The following LAMC1 variants were observed in gnomAD, a reference collection of about 807,000 sequenced individuals.
LAMC1 encodes laminin subunit gamma-1.
In LAMC1, 38 loss-of-function variants were observed where a neutral mutation model predicts 173.6. The observed-to-expected ratio is 0.22, with a 90% CI of 0.17 to 0.29. The LOEUF is 0.29. LAMC1 is among the 10% of genes least tolerant of loss of function. The probability of loss-of-function intolerance (pLI) is 1.00; values close to 1 mark genes in which losing one functional copy is unlikely to be tolerated. For missense variants in LAMC1, 1,824 were observed against 2,051.8 expected (o/e 0.89, Z 2.14); for synonymous variants, 746 against 749.1 (o/e 1.00, Z 0.07).
chr1:183,054,155 T>G (rs754577527), intron 1 of LAMC1, among the ~76,000 whole-genome samples: 3 of 152,218 alleles, frequency 2.0e-5, no homozygotes, highest in Non-Finnish European at 4.4e-5. Flanking sequence ...AAGGCTAGCA[T>G]CATTAATATC....
chr1:183,045,676 C>T (rs1163584852), intron 1 of LAMC1, among the ~76,000 whole-genome samples: 1 of 152,006 alleles, frequency 6.6e-6, no homozygotes, highest in Non-Finnish European at 1.5e-5. Flanking sequence ...GTGTGAGATT[C>T]TCTCTACCTG....
intron 1 of LAMC1, among the ~76,000 whole-genome samples, chr1:183,054,959 T>A (rs1654544807): frequency 6.6e-6 from 1 of 151,874 alleles, no homozygotes; most frequent in Non-Finnish European, 1.5e-5. Flanking sequence ...TGCCATCTTA[T>A]TCCTTTGATT....
At chr1:183,083,155 A>G (rs1369454688) in intron 1 of LAMC1, among the ~76,000 whole-genome samples, 2 of 152,216 alleles carry the variant, frequency 1.3e-5, no homozygotes, top group African/African-American at 4.8e-5. Flanking sequence ...CTTTTACATT[A>G]TTCTGTTACC....
At chr1:183,089,408 T>G (rs1655511775) in intron 1 of LAMC1, among the ~76,000 whole-genome samples, 1 of 152,226 alleles carries the variant, frequency 6.6e-6, no homozygotes, top group South Asian at 2.1e-4. Context: ...AAATATGCTA[T>G]GTAAATAATT....
At chr1:183,037,095 G>A (rs574167008) in intron 1 of LAMC1, among the ~76,000 whole-genome samples, 2 of 152,288 alleles carry the variant, frequency 1.3e-5, no homozygotes, top group African/African-American at 4.8e-5. Flanking sequence ...TGTTTTCAGT[G>A]GAAGACTTGT....
chr1:183,042,576 G>A lies in LAMC1; in HGVS notation c.418+18442G>A, dbSNP rs538047964. On this transcript the variant is annotated intron_variant, in intron 1 of 27. Transcript: ENST00000258341. ...AAGAGTCTGGTTTCTCCCAAGTTCTGGTCTTTCTGGAGAGTCTTCAGAGGT... is the reference window on the plus strand; with the variant it reads ...AAGAGTCTGGTTTCTCCCAAGTTCTAGTCTTTCTGGAGAGTCTTCAGAGGT... 1.6e-4 allele frequency among the ~76,000 whole-genome samples: 25 copies of A among 152,242 alleles called. No homozygotes were observed. In the East Asian group the frequency reaches 4.4e-3, roughly 27 times the overall value.
chr1:183,075,995 C>T (rs1655112831), intron 1 of LAMC1, among the ~76,000 whole-genome samples: 1 of 152,152 alleles, frequency 6.6e-6, no homozygotes, highest in Non-Finnish European at 1.5e-5. Context: ...TTTCTTGGCA[C>T]TCTGGGACAT....
At chr1:183,078,441 G>T (rs1008883277) in intron 1 of LAMC1, among the ~76,000 whole-genome samples, 3 of 152,026 alleles carry the variant, frequency 2.0e-5, no homozygotes, top group Non-Finnish European at 2.9e-5. Flanking sequence ...AATTAGCCGG[G>T]TGTGGTGGTG....
In LAMC1 at chr1:183,108,261, TTTGC is replaced by T; in HGVS notation, c.724-12_724-9del. 6.2e-7 allele frequency: 1 copy of T among 1,611,096 alleles called. No individual in the cohort carries two copies. Among genetic ancestry groups the T allele is most frequent in the East Asian group, 2.2e-5 (1 of 44,774 alleles). ...TCCACTTCTCTTTTATGTTTCTATTTTTGCTTCCTGACAGGAATGGGTAACTGCC... is the reference window on the plus strand; with the variant it reads ...TCCACTTCTCTTTTATGTTTCTATTTTTCCTGACAGGAATGGGTAACTGCC... On this transcript the variant is annotated splice_polypyrimidine_tract_variant and intron_variant, in intron 2 of 27. Transcript: ENST00000258341.
chr1:183,024,140 C>T lies in LAMC1; in HGVS notation c.418+6C>T, dbSNP rs557535760. ...CAACCTCACGCTGCACCTGGGTAAG[C>T]GGTGACAGCCCCGTCCCCTGCTACT... On this transcript the variant is annotated splice_donor_region_variant and intron_variant, in intron 1 of 27. Coordinates refer to ENST00000258341, the MANE Select transcript of LAMC1 (RefSeq NM_002293.4). 4 of 1,556,666 alleles carry T rather than the reference C, an allele frequency of 2.6e-6. No homozygotes were observed. In the Admixed American group the frequency reaches 5.6e-5, roughly 22 times the overall value.
chr1:183,134,890 T>A (rs1656894849), intron 23 of LAMC1, 81 bp downstream of exon 23: 2 of 1,454,816 alleles, frequency 1.4e-6, no homozygotes, highest in Non-Finnish European at 1.9e-6. Flanking sequence ...TGCCGTACTT[T>A]CAGAGACAGC....
Position 183,124,889 on chromosome 1 carries a change from T to A in LAMC1, c.2647+13T>A. The A allele has an allele frequency of 6.2e-7, 1 of 1,612,384 alleles. No homozygotes were observed. The highest frequency in any genetic ancestry group is 8.5e-7 in the Non-Finnish European group (1 of 1,178,448). ...GACAAATGCAAAGGTAATCAGCCTT[T>A]GATCAGATTCTGTCACAGCTAAATG... is the stretch of plus-strand genomic sequence containing the variant. On this transcript the variant is annotated intron_variant, in intron 14 of 27. Transcript: ENST00000258341.
At chr1:183,045,941 A>C (rs1654255655) in intron 1 of LAMC1, among the ~76,000 whole-genome samples, 2 of 152,000 alleles carry the variant, frequency 1.3e-5, no homozygotes, top group Admixed American at 1.3e-4. Context: ...AAAATGTCTC[A>C]TCATGTTTTC....
intron 1 of LAMC1, among the ~76,000 whole-genome samples, chr1:183,085,474 C>CA (rs1473128851): frequency 6.6e-6 from 1 of 152,046 alleles, no homozygotes; most frequent in Admixed American, 6.6e-5. Flanking sequence ...GGGATCCTCC[C>CA]ACCTTAGCCA....
At chr1:183,126,947 C>T (rs1464840886) in intron 16 of LAMC1, among the ~76,000 whole-genome samples, 1 of 152,194 alleles carries the variant, frequency 6.6e-6, no homozygotes, top group African/African-American at 2.4e-5. Flanking sequence ...GTGCATGAAA[C>T]GAGCACTGAT....
intron 1 of LAMC1, chr1:183,096,634 C>T (rs1272420445): frequency 6.6e-6 from 1 of 152,162 alleles, no homozygotes; most frequent in African/African-American, 2.4e-5. Flanking sequence ...AGTTCCATTG[C>T]ATTTGTTGTC....
At chr1:183,099,592 C>G (rs1655782142) in intron 1 of LAMC1, among the ~76,000 whole-genome samples, 1 of 152,118 alleles carries the variant, frequency 6.6e-6, no homozygotes, top group Admixed American at 6.5e-5. Flanking sequence ...ACTTGCCTTC[C>G]TCCCTCTGGC....
intron 1 of LAMC1, among the ~76,000 whole-genome samples, chr1:183,040,617 C>T (rs1475199469): frequency 6.6e-6 from 1 of 152,184 alleles, no homozygotes; most frequent in African/African-American, 2.4e-5. Flanking sequence ...GAGGCTCTGC[C>T]TGTGGCTTGA....
chr1:183,064,296 G>A (rs1430992269), intron 1 of LAMC1, among the ~76,000 whole-genome samples: 2 of 152,138 alleles, frequency 1.3e-5, no homozygotes, highest in Non-Finnish European at 1.5e-5. Flanking sequence ...GACAAACTTC[G>A]ATGGTATGGG....
Sources: allele counts gnomAD v4.1 joint callset (sites outside exome capture counted in the v4.1 genomes callset), GRCh38; gene constraint gnomAD v4.1.1; transcripts MANE v1.5; gene names NCBI Gene and HGNC (gene_info 2026-07-23, HGNC 2026-07-21).